Variants in MAML3 observed in about 807,000 individuals in gnomAD.
The protein encoded by MAML3 is mastermind-like protein 3.
A neutral mutation model predicts 101.9 loss-of-function variants in MAML3; 27 were observed. The ratio of observed to expected loss-of-function variants is 0.27; its 90% confidence interval spans 0.20 to 0.37. The LOEUF is 0.37. Among genes scored for constraint, MAML3 ranks in the 10% least tolerant of loss-of-function variants. MAML3 has a pLI of 1.00. For missense variants in MAML3, 1,316 were observed against 1,444.9 expected, an observed-to-expected ratio of 0.91 and a Z score of 1.45; for synonymous variants, 501 against 555.9, an observed-to-expected ratio of 0.90 and a Z score of 1.39.
chr4:140,152,140 G>C (rs6818565), intron 1 of MAML3, among the ~76,000 whole-genome samples: 2,674 of 152,188 alleles, frequency 0.018, 56 homozygotes, highest in African/African-American at 0.048. Flanking sequence ...CACCTGCCGG[G>C]CTAGCCCCGA....
chr4:140,022,350 T>C (rs1490665872), intron 1 of MAML3, among the ~76,000 whole-genome samples: 3 of 152,212 alleles, frequency 2.0e-5, no homozygotes, highest in Admixed American at 1.3e-4. Context: ...TGTTCATAAA[T>C]TGAAGACTTC....
At chr4:140,151,918 C>T (rs1255654329) in intron 1 of MAML3, among the ~76,000 whole-genome samples, 1 of 152,190 alleles carries the variant, frequency 6.6e-6, no homozygotes, top group African/African-American at 2.4e-5. Flanking sequence ...CCTTCCATTG[C>T]TCTGGGCTTA....
At chr4:139,985,739 C>CA (rs1415452462) in intron 1 of MAML3, among the ~76,000 whole-genome samples, 12 of 152,348 alleles carry the variant, frequency 7.9e-5, no homozygotes, top group African/African-American at 2.9e-4. Context: ...AGGCACCACA[C>CA]ACATGGCCAT....
chr4:139,812,886 C>T (rs1379725453), intron 2 of MAML3, among the ~76,000 whole-genome samples: 1 of 149,602 alleles, frequency 6.7e-6, no homozygotes, highest in Admixed American at 6.7e-5. Flanking sequence ...AATGCAGACT[C>T]CGAATAAATA....
At chr4:139,885,991 A>G (rs1473099765) in intron 2 of MAML3, among the ~76,000 whole-genome samples, 1 of 149,816 alleles carries the variant, frequency 6.7e-6, no homozygotes, top group East Asian at 1.9e-4. Flanking sequence ...ATAAAGAAAT[A>G]ATATAAGAAC....
At position 139,889,942 on chromosome 4, in the gene MAML3, C is replaced by CTGT. The variant is rs761255139; in HGVS notation, c.1493_1494insACA (p.Gln510dup). On this transcript the variant is annotated inframe_insertion, in exon 2 of 5. Transcript: ENST00000509479. Reference sequence around the variant, plus strand: ...GCTGCTGCTGCTGCTGCTGCTGCTGCTGCTGCTGCTGCTGCTGCTGCTGCT... The same window carrying CTGT: ...GCTGCTGCTGCTGCTGCTGCTGCTGCTGTTGCTGCTGCTGCTGCTGCTGCTGCT... 5 of 165,690 alleles carry CTGT rather than the reference C, an allele frequency of 3.0e-5. No homozygotes were observed. Among genetic ancestry groups the CTGT allele is most frequent in the African/African-American group, 9.7e-5 (2 of 20,530 alleles). The allele number at this position is 165,690 out of a possible 1,614,324, so 10.3% of individuals were successfully genotyped here. A position where few individuals can be genotyped will look rare whatever the true frequency, so the allele number is the denominator to read the frequency against.
chr4:140,107,011 C>G, intron 1 of MAML3, among the ~76,000 whole-genome samples: 1 of 152,046 alleles, frequency 6.6e-6, no homozygotes, highest in East Asian at 1.9e-4. Context: ...GCTGGGATTA[C>G]AGGCACCTGC....
intron 2 of MAML3, among the ~76,000 whole-genome samples, chr4:139,741,095 T>C (rs1729151165): frequency 6.6e-6 from 1 of 152,086 alleles, no homozygotes; most frequent in African/African-American, 2.4e-5. Context: ...CCCATTCCTA[T>C]GAGTAGAAGC....
intron 2 of MAML3, among the ~76,000 whole-genome samples, chr4:139,746,201 G>A (rs562745991): frequency 2.0e-5 from 3 of 152,260 alleles, no homozygotes; most frequent in South Asian, 4.1e-4. Context: ...GAAATGGTAT[G>A]TTATATTTTT....
At chr4:139,879,901 G>A (rs1732185768) in intron 2 of MAML3, among the ~76,000 whole-genome samples, 2 of 152,138 alleles carry the variant, frequency 1.3e-5, no homozygotes, top group Non-Finnish European at 2.9e-5. Flanking sequence ...GGCTGGGTGT[G>A]GTGGCTCACG....
At chr4:139,832,132 T>C (rs1242709239) in intron 2 of MAML3, among the ~76,000 whole-genome samples, 2 of 123,738 alleles carry the variant, frequency 1.6e-5, no homozygotes, top group Admixed American at 9.1e-5. Flanking sequence ...TGAGACAGAG[T>C]CTTTCTCTGT....
chr4:140,062,496 A>G (rs185535530), intron 1 of MAML3, among the ~76,000 whole-genome samples: 1 of 152,318 alleles, frequency 6.6e-6, no homozygotes, highest in Admixed American at 6.5e-5. Flanking sequence ...TTTAACGACC[A>G]GTGTCAGCTA....
At chr4:139,833,236 G>A (rs981577772) in intron 2 of MAML3, among the ~76,000 whole-genome samples, 2 of 151,306 alleles carry the variant, frequency 1.3e-5, no homozygotes, top group Non-Finnish European at 2.9e-5. Context: ...ACCCAGAGAG[G>A]GGCTGGGGAA....
intron 1 of MAML3, among the ~76,000 whole-genome samples, chr4:139,915,885 C>T (rs1733017326): frequency 6.6e-6 from 1 of 152,142 alleles, no homozygotes; most frequent in Admixed American, 6.5e-5. Context: ...CCTGCTAACA[C>T]AGACGAACCA....
chr4:139,748,532 G>T (rs1225484003), intron 2 of MAML3, among the ~76,000 whole-genome samples: 19 of 152,188 alleles, frequency 1.2e-4, no homozygotes, highest in Admixed American at 1.2e-3. Flanking sequence ...AACTGAAGGA[G>T]CAGGAGGCTG....
intron 1 of MAML3, among the ~76,000 whole-genome samples, chr4:140,039,865 C>T (rs1412497530): frequency 6.6e-6 from 1 of 152,202 alleles, no homozygotes; most frequent in Non-Finnish European, 1.5e-5. Context: ...ATCAACCTCT[C>T]CTCTTATCCC....
At chr4:140,085,159 G>C (rs1306612022) in intron 1 of MAML3, among the ~76,000 whole-genome samples, 1 of 152,174 alleles carries the variant, frequency 6.6e-6, no homozygotes, top group African/African-American at 2.4e-5. Context: ...GCCACAGCAC[G>C]AAGAAACAAA....
At chr4:140,050,067 G>A (rs187908082) in intron 1 of MAML3, among the ~76,000 whole-genome samples, 122 of 152,234 alleles carry the variant, frequency 8.0e-4, no homozygotes, top group Non-Finnish European at 1.3e-3. Context: ...TTCTAAGAAG[G>A]ATGCTGATAG....
chr4:140,043,702 C>T (rs1727128754), intron 1 of MAML3, among the ~76,000 whole-genome samples: 3 of 152,164 alleles, frequency 2.0e-5, no homozygotes, highest in South Asian at 4.1e-4. Context: ...TCTTATCAAT[C>T]GTGCCCACCT....
Sources: gnomAD v4.1 joint callset for allele counts (sites outside exome capture counted in the v4.1 genomes callset) on GRCh38, gnomAD v4.1.1 for gene constraint, MANE v1.5 for transcripts, NCBI Gene and HGNC (gene_info 2026-07-23, HGNC 2026-07-21) for gene names.